The following LRBA variants were observed in gnomAD, a reference collection of about 807,000 sequenced individuals.
The protein encoded by LRBA is LPS responsive beige-like anchor protein.
In LRBA, 176 loss-of-function variants were observed where a neutral mutation model predicts 330.0. That is an observed-to-expected ratio of 0.53 (90% CI 0.47 to 0.60). The LOEUF (loss-of-function observed/expected upper bound fraction) is 0.60. LRBA is among the 20% of genes least tolerant of loss of function. The pLI is 0.00. For synonymous variants in LRBA, 1,230 were observed against 1,193.0 expected (o/e 1.03, Z -0.64); for missense variants, 3,259 against 3,444.8 (o/e 0.95, Z 1.35).
At chr4:150,988,336 G>T (rs1741682390) in intron 2 of LRBA, among the ~76,000 whole-genome samples, 1 of 152,138 alleles carries the variant, frequency 6.6e-6, no homozygotes, top group African/African-American at 2.4e-5. Context: ...AACTTTGGCA[G>T]CAGACTTTAA....
intron 5 of LRBA, among the ~76,000 whole-genome samples, chr4:150,917,024 G>T (rs529814956): frequency 6.6e-6 from 1 of 151,928 alleles, no homozygotes; most frequent in Non-Finnish European, 1.5e-5. Flanking sequence ...ACGGTGGTGG[G>T]TGCCTGTAGT....
intron 47 of LRBA, among the ~76,000 whole-genome samples, chr4:150,393,912 C>CT (rs1744358500): frequency 6.6e-6 from 1 of 152,160 alleles, no homozygotes; most frequent in Non-Finnish European, 1.5e-5. Flanking sequence ...ATTGCAGACA[C>CT]TTTTACATAA....
intron 44 of LRBA, among the ~76,000 whole-genome samples, chr4:150,449,954 C>T (rs912417230): frequency 6.6e-6 from 1 of 152,000 alleles, no homozygotes; most frequent in African/African-American, 2.4e-5. Flanking sequence ...TAAAAAATTA[C>T]ATTAAATGTA....
At chr4:150,292,457 T>C (rs1279798374) in intron 53 of LRBA, among the ~76,000 whole-genome samples, 2 of 152,240 alleles carry the variant, frequency 1.3e-5, no homozygotes, top group Non-Finnish European at 2.9e-5. Flanking sequence ...TGAATCCTCT[T>C]CATTCCATTT....
chr4:150,321,185 A>G lies in LRBA; in HGVS notation c.7630+6T>C, dbSNP rs1732463435. 1 of 1,605,388 alleles carries G rather than the reference A, an allele frequency of 6.2e-7. No individual in the cohort carries two copies. The highest frequency in any genetic ancestry group is 8.5e-7 in the Non-Finnish European group (1 of 1,176,822). On this transcript the variant is annotated splice_donor_region_variant and intron_variant, in intron 50 of 56. Transcript: ENST00000651943. The surrounding 1 kb of genome is among the most constrained non-coding windows in gnomAD (Gnocchi z 4.5). ...CCATGCCTTATAATGGTATTTCTTT[A>G]CTTACCAGGAAGGTTGTGCCATTTG...
Position 150,277,930 on chromosome 4 carries a change from C to T in LRBA, c.8391G>A (p.Val2797=), listed in dbSNP as rs1458025767. The stretch of plus-strand genomic sequence containing the variant: ...AGGCAAAGAGCTGCTTGAGGTCCGA[C>T]ACCTGCCGGACCACGACCACTCCTC... ...GDRGVVVVRQ[V]SDLKQLFAYP... is the part of the protein sequence containing the mutation. Residue 2797 remains valine (V), a synonymous_variant, in exon 56 of 57, where the codon GTG becomes GTA. Transcript: ENST00000651943. 1 of 1,614,148 alleles carries T rather than the reference C, an allele frequency of 6.2e-7. No homozygotes were observed. The highest frequency in any genetic ancestry group is 8.5e-7 in the Non-Finnish European group (1 of 1,180,008).
intron 47 of LRBA, among the ~76,000 whole-genome samples, chr4:150,413,227 A>AAAAACT (rs1420792858): frequency 1.3e-5 from 2 of 152,270 alleles, no homozygotes; most frequent in Admixed American, 6.5e-5. Flanking sequence ...AAGGATAGGG[A>AAAAACT]AAAACTGAAA....
chr4:150,923,540 T>C (rs1733560459), intron 4 of LRBA, among the ~76,000 whole-genome samples: 1 of 152,150 alleles, frequency 6.6e-6, no homozygotes, highest in Non-Finnish European at 1.5e-5. Flanking sequence ...CTTTACCGCA[T>C]AGCATATAAA....
At chr4:150,995,023 A>G (rs909151041) in intron 2 of LRBA, among the ~76,000 whole-genome samples, 1 of 152,058 alleles carries the variant, frequency 6.6e-6, no homozygotes, top group Admixed American at 6.6e-5. Flanking sequence ...AGCAACACTC[A>G]GTGGATGAAC....
At chr4:150,835,474 A>C (rs748980632) in intron 28 of LRBA, among the ~76,000 whole-genome samples, 1 of 151,990 alleles carries the variant, frequency 6.6e-6, no homozygotes, top group Non-Finnish European at 1.5e-5. Flanking sequence ...GTCCTCTTTT[A>C]TTTCGCTGAG....
At chr4:150,397,970 A>C (rs963494104) in intron 47 of LRBA, among the ~76,000 whole-genome samples, 2 of 152,252 alleles carry the variant, frequency 1.3e-5, no homozygotes, top group African/African-American at 2.4e-5. Flanking sequence ...CATTAAACAA[A>C]GCGAAATATA....
chr4:150,642,098 G>A (rs954209262), intron 37 of LRBA, among the ~76,000 whole-genome samples: 2 of 151,810 alleles, frequency 1.3e-5, no homozygotes, highest in African/African-American at 4.8e-5. Context: ...AAATTGCTTT[G>A]GACATTTTGA....
intron 2 of LRBA, among the ~76,000 whole-genome samples, chr4:150,937,564 T>C (rs1201811434): frequency 6.6e-6 from 1 of 152,142 alleles, no homozygotes; most frequent in East Asian, 1.9e-4. Context: ...AGTCTTTTTC[T>C]ACATTTTAGC....
chr4:150,861,912 T>C (rs1448637937), intron 22 of LRBA, among the ~76,000 whole-genome samples: 1 of 149,778 alleles, frequency 6.7e-6, no homozygotes, highest in East Asian at 2.0e-4. Context: ...ACCTGGGAGG[T>C]GGAGGTTGCA....
In LRBA at chr4:150,828,202, C is replaced by T. The variant is rs143003767; in HGVS notation, c.5149G>A (p.Val1717Met). The T allele has an allele frequency of 1.0e-4, 169 of 1,613,988 alleles. No homozygotes were observed. The highest frequency in any genetic ancestry group is 8.8e-4 in the South Asian group (80 of 91,064). ...TACCTGTCAAAAGATCTGAACTGCA[C>T]GGGTTGTTCCACAGATAGATCACCA... ...ALGDLSVEQP[V>M]QFRSFDRSVI... Residue 1717 changes from valine (V) to methionine (M), a missense_variant, in exon 30 of 57, where the codon GTG (valine) becomes ATG (methionine). By Grantham distance (21) the Val-to-Met change is conservative. Transcript: ENST00000651943.
intron 37 of LRBA, among the ~76,000 whole-genome samples, chr4:150,634,391 C>T (rs766933628): frequency 2.0e-5 from 3 of 152,128 alleles, no homozygotes. Flanking sequence ...TGAGGCATAG[C>T]ATAGTGACTG....
At chr4:150,875,078 G>C (rs1371222961) in intron 17 of LRBA, among the ~76,000 whole-genome samples, 1 of 152,166 alleles carries the variant, frequency 6.6e-6, no homozygotes, top group African/African-American at 2.4e-5. Context: ...TGGCCAGGCA[G>C]ATTTCCAGGC....
At chr4:150,648,494 T>C (rs1410660189) in intron 37 of LRBA, among the ~76,000 whole-genome samples, 2 of 152,026 alleles carry the variant, frequency 1.3e-5, no homozygotes, top group Admixed American at 6.6e-5. Flanking sequence ...TTTAACTACC[T>C]GGATTCCAAC....
chr4:150,617,566 C>G (rs184814641), intron 37 of LRBA, among the ~76,000 whole-genome samples: 3 of 152,044 alleles, frequency 2.0e-5, no homozygotes, highest in African/African-American at 7.2e-5. Context: ...CGCTTGAACC[C>G]GAGAGGCGGA....
Sources: allele counts gnomAD v4.1 joint callset (sites outside exome capture counted in the v4.1 genomes callset), GRCh38; gene constraint gnomAD v4.1.1; non-coding constraint Gnocchi (gnomAD v3.1); transcripts MANE v1.5; gene names NCBI Gene and HGNC (gene_info 2026-07-23, HGNC 2026-07-21).